The following GPHN variants were observed in gnomAD, a reference collection of about 807,000 sequenced individuals.
GPHN encodes the protein gephyrin.
GPHN carries 17 observed loss-of-function variants against 95.5 expected under a neutral mutation model. The observed-to-expected ratio is 0.18, with a 90% CI of 0.12 to 0.27. The LOEUF (loss-of-function observed/expected upper bound fraction) is 0.27, where lower values mean the gene tolerates loss of function less well. Among genes scored for constraint, GPHN ranks in the 10% least tolerant of loss-of-function variants. The pLI, the probability that GPHN is intolerant of heterozygous loss-of-function variation, is 1.00. For synonymous variants in GPHN, 320 were observed against 322.5 expected (o/e 0.99, Z 0.08); for missense variants, 660 against 978.1 (o/e 0.67, Z 4.34).
chr14:66,809,251 A>G (rs548590263), intron 3 of GPHN, among the ~76,000 whole-genome samples: 2 of 152,198 alleles, frequency 1.3e-5, no homozygotes, highest in African/African-American at 2.4e-5. Flanking sequence ...GCCTGTGGCA[A>G]CAGGAATGGA....
intron 11 of GPHN, among the ~76,000 whole-genome samples, chr14:67,069,241 T>C (rs147714867): frequency 1.3e-5 from 2 of 152,322 alleles, no homozygotes; most frequent in African/African-American, 4.8e-5. Flanking sequence ...GCTAACATGC[T>C]CTATTTGGAA....
At chr14:67,478,319 C>T in the GPHN span, among the ~76,000 whole-genome samples, 1 of 152,252 alleles carries the variant, frequency 6.6e-6, no homozygotes, top group Non-Finnish European at 1.5e-5. Flanking sequence ...GGGAAAGCCA[C>T]CAAGTCAGCT....
the GPHN span, chr14:67,576,361 C>T: frequency 1.7e-5 from 21 of 1,235,866 alleles, no homozygotes; most frequent in Non-Finnish European, 2.5e-5. The surrounding 1 kb of genome is among the most constrained non-coding windows in gnomAD (Gnocchi z 4.0). Context: ...CTTCCCACCC[C>T]GTCCCCATCC....
At chr14:66,855,592 G>A (rs1421647362) in intron 4 of GPHN, among the ~76,000 whole-genome samples, 1 of 152,112 alleles carries the variant, frequency 6.6e-6, no homozygotes, top group Non-Finnish European at 1.5e-5. Context: ...GTGAACATTG[G>A]CAAACAAGTA....
chr14:67,585,867 G>A, the GPHN span: 2 of 1,406,306 alleles, frequency 1.4e-6, no homozygotes, highest in Non-Finnish European at 2.0e-6. Flanking sequence ...CCTTTCCTGT[G>A]CCTAGAAGAG....
chr14:67,575,345 C>G, the GPHN span: 3 of 1,154,630 alleles, frequency 2.6e-6, no homozygotes, highest in South Asian at 4.2e-5. Flanking sequence ...GGATTTACTT[C>G]TAGAGTTACC....
At chr14:67,306,447 C>G in the GPHN span, among the ~76,000 whole-genome samples, 1 of 151,892 alleles carries the variant, frequency 6.6e-6, no homozygotes, top group South Asian at 2.1e-4. Flanking sequence ...TGTGTTCAAG[C>G]ATTCTCCTGA....
the GPHN span, chr14:67,571,589 G>C: frequency 9.6e-6 from 6 of 625,932 alleles, no homozygotes; most frequent in Admixed American, 1.5e-4. Context: ...TCATGACACA[G>C]GAGTGAGGCC....
At chr14:66,940,596 A>G (rs1455355433) in intron 8 of GPHN, among the ~76,000 whole-genome samples, 2 of 152,176 alleles carry the variant, frequency 1.3e-5, no homozygotes, top group Admixed American at 6.5e-5. Context: ...CCCAGACCCC[A>G]TTTATGCGAT....
chr14:67,381,511 T>C, the GPHN span: 1 of 1,058,978 alleles, frequency 9.4e-7, no homozygotes, highest in Non-Finnish European at 1.5e-6. Flanking sequence ...AATACTAATA[T>C]ATCTGCCACG....
intron 1 of GPHN, among the ~76,000 whole-genome samples, chr14:66,537,624 T>A (rs776628709): frequency 6.6e-6 from 1 of 152,216 alleles, no homozygotes; most frequent in Non-Finnish European, 1.5e-5. Flanking sequence ...TTTATCCACA[T>A]GTGTACCCTT....
At chr14:67,257,752 T>G in the GPHN span, among the ~76,000 whole-genome samples, 1 of 152,190 alleles carries the variant, frequency 6.6e-6, no homozygotes, top group Non-Finnish European at 1.5e-5. Context: ...GTTAAAAGTG[T>G]TCTCTATGCA....
chr14:67,072,222 A>T (rs1193578884), intron 11 of GPHN, among the ~76,000 whole-genome samples: 1 of 152,162 alleles, frequency 6.6e-6, no homozygotes, highest in Non-Finnish European at 1.5e-5. Flanking sequence ...TCTCAGAAGT[A>T]ATGGCATAAA....
At chr14:67,679,532 T>C in the GPHN span, among the ~76,000 whole-genome samples, 4 of 151,512 alleles carry the variant, frequency 2.6e-5, no homozygotes, top group Non-Finnish European at 5.9e-5. Context: ...GCCTCCAGAG[T>C]AGCTGGGATT....
the GPHN span, chr14:67,574,391 C>G: frequency 6.4e-7 from 1 of 1,574,322 alleles, no homozygotes; most frequent in South Asian, 1.2e-5. This position sits in a 1 kb window ranked among gnomAD's most constrained non-coding sequence, Gnocchi z 4.2. Flanking sequence ...CCGTGAAGGG[C>G]TGGCTGACCA....
chr14:66,722,648 T>TG (rs1168507702), intron 2 of GPHN, among the ~76,000 whole-genome samples: 6 of 152,102 alleles, frequency 3.9e-5, no homozygotes, highest in African/African-American at 1.4e-4. Flanking sequence ...CTCACTGTGT[T>TG]GCCCAGCCTG....
chr14:66,809,596 C>T (rs900975298), intron 3 of GPHN, among the ~76,000 whole-genome samples: 7 of 152,094 alleles, frequency 4.6e-5, no homozygotes, highest in South Asian at 4.1e-4. Flanking sequence ...GGGGGAATAA[C>T]GACTATTAGG....
the GPHN span, chr14:67,690,529 T>C: frequency 1.1e-6 from 1 of 876,222 alleles, no homozygotes; most frequent in Non-Finnish European, 1.8e-6. Context: ...AAATAAGGTC[T>C]TTCCCTCCAA....
At chr14:67,448,633 T>TG in the GPHN span, among the ~76,000 whole-genome samples, 1 of 151,392 alleles carries the variant, frequency 6.6e-6, no homozygotes, top group Non-Finnish European at 1.5e-5. Context: ...GGAGGGATGG[T>TG]GGGGGGCTGT....
Sources: gnomAD v4.1 joint callset for allele counts (sites outside exome capture counted in the v4.1 genomes callset) on GRCh38, gnomAD v4.1.1 for gene constraint, Gnocchi (gnomAD v3.1) non-coding constraint, MANE v1.5 for transcripts, NCBI Gene and HGNC (gene_info 2026-07-23, HGNC 2026-07-21) for gene names.